SNTG1: variants seen among roughly 807,000 people sequenced by gnomAD.
The protein encoded by SNTG1 is gamma-1-syntrophin.
In SNTG1, 39 loss-of-function variants were observed where a neutral mutation model predicts 74.7. That is an observed-to-expected ratio of 0.52 (90% CI 0.40 to 0.68). The LOEUF (loss-of-function observed/expected upper bound fraction) is 0.68. SNTG1 is among the 30% of genes least tolerant of loss of function. SNTG1 has a pLI of 0.00. For missense variants in SNTG1, 685 were observed against 609.5 expected (o/e 1.12, Z -1.30); for synonymous variants, 254 against 217.1 (o/e 1.17, Z -1.49).
Position 50,552,645 on chromosome 8 carries a change from ATCTT to A in SNTG1, c.681-401_681-398del, listed in dbSNP as rs544042966. On this transcript the variant is annotated intron_variant, in intron 11 of 18. Transcript: ENST00000642720. The stretch of plus-strand genomic sequence containing the variant: ...TAATATTTTATTGCCTGTTTTTACG[ATCTT>A]TCTAAGTCAGAAAATGCATTGACAA... Among the ~76,000 whole-genome samples, 224 of 152,308 alleles carry A rather than the reference ATCTT, an allele frequency of 1.5e-3. 2 individuals carry two copies. The highest frequency in any genetic ancestry group is 0.01 in the Middle Eastern group (3 of 294).
chr8:50,492,650 T>G (rs2093867801), intron 8 of SNTG1, among the ~76,000 whole-genome samples: 1 of 152,216 alleles, frequency 6.6e-6, no homozygotes. Context: ...CTTTGTCAGA[T>G]GGATTGCAAA....
Position 50,121,589 on chromosome 8 carries a change from G to T in SNTG1, c.-102-50972G>T, listed in dbSNP as rs1586366429. Among the ~76,000 whole-genome samples, 3 of 142,760 alleles carry T rather than the reference G, an allele frequency of 2.1e-5. 1 individual carries two copies. The Admixed American group carries it at 2.2e-4, about 10-fold the overall frequency. The allele number at this position is 142,760 out of a possible 152,430, so 93.7% of individuals were successfully genotyped here. On this transcript the variant is annotated intron_variant, in intron 1 of 18. Transcript: ENST00000642720. Reference sequence around the variant, plus strand: ...AATACAAACTAACTTTAGTGGTATTGTGCCAGTATTTTAGAATAATTAGAA... The same window carrying T: ...AATACAAACTAACTTTAGTGGTATTTTGCCAGTATTTTAGAATAATTAGAA...
intron 1 of SNTG1, among the ~76,000 whole-genome samples, chr8:50,028,564 C>G (rs1013833281): frequency 3.3e-5 from 5 of 150,520 alleles, no homozygotes; most frequent in Admixed American, 2.7e-4. Flanking sequence ...CACCGTTTTA[C>G]TCCTCTACCA....
chr8:50,456,995 C>T (rs1355266143), intron 8 of SNTG1: 1 of 152,114 alleles, frequency 6.6e-6, no homozygotes. Context: ...TTTCACATAG[C>T]TGACATTTTA....
chr8:49,947,901 T>C (rs1487684488), intron 1 of SNTG1, among the ~76,000 whole-genome samples: 1 of 152,050 alleles, frequency 6.6e-6, no homozygotes, highest in Non-Finnish European at 1.5e-5. Flanking sequence ...GAGGCCGAGG[T>C]TGGCAGATCA....
Position 50,068,719 on chromosome 8 carries a change from C to T in SNTG1, c.-102-103842C>T, listed in dbSNP as rs374513835. On this transcript the variant is annotated intron_variant, in intron 1 of 18. Transcript: ENST00000642720. ...TCTTTCTTTTTTTTCTGTTGATTCA[C>T]TACAGTATCTGTAGTGCCTGAAACA... is the stretch of plus-strand genomic sequence containing the variant. Among the ~76,000 whole-genome samples the T allele has an allele frequency of 1.5e-4, 23 of 152,180 alleles. 1 individual carries two copies. The South Asian group carries it at 4.6e-3, about 30-fold the overall frequency.
chr8:50,051,724 C>T (rs531498318), intron 1 of SNTG1, among the ~76,000 whole-genome samples: 5 of 152,052 alleles, frequency 3.3e-5, no homozygotes, highest in Admixed American at 6.6e-5. Context: ...TCTTGTGTGC[C>T]TCTGTCTTCA....
intron 8 of SNTG1, among the ~76,000 whole-genome samples, chr8:50,482,884 C>T (rs992368087): frequency 1.3e-5 from 2 of 152,100 alleles, no homozygotes; most frequent in Non-Finnish European, 1.5e-5. Flanking sequence ...ACATCTGAGC[C>T]TGAAGCTCAG....
chr8:50,330,117 G>C (rs1476364214), intron 2 of SNTG1, among the ~76,000 whole-genome samples: 1 of 152,148 alleles, frequency 6.6e-6, no homozygotes, highest in Non-Finnish European at 1.5e-5. Flanking sequence ...CAAATGTGGT[G>C]GGACTCAGTT....
At chr8:50,481,930 A>G (rs2093744206) in intron 8 of SNTG1, among the ~76,000 whole-genome samples, 1 of 152,188 alleles carries the variant, frequency 6.6e-6, no homozygotes, top group African/African-American at 2.4e-5. Context: ...CAGTCCCAGC[A>G]GTGAATGGAA....
intron 1 of SNTG1, among the ~76,000 whole-genome samples, chr8:50,171,396 A>T (rs1177071037): frequency 6.6e-6 from 1 of 152,142 alleles, no homozygotes; most frequent in Non-Finnish European, 1.5e-5. Context: ...AGCATCCAGC[A>T]CAGGAGAAAT....
At chr8:50,037,830 GTAA>G (rs2130796071) in intron 1 of SNTG1, among the ~76,000 whole-genome samples, 1 of 152,308 alleles carries the variant, frequency 6.6e-6, no homozygotes, top group South Asian at 2.1e-4. Flanking sequence ...CATAATTAAA[GTAA>G]TAATAACAAT....
chr8:50,212,798 G>T (rs1033196540), intron 2 of SNTG1, among the ~76,000 whole-genome samples: 1 of 152,146 alleles, frequency 6.6e-6, no homozygotes, highest in African/African-American at 2.4e-5. Flanking sequence ...AGCAAAATTG[G>T]CTGAAATTCA....
intron 4 of SNTG1, among the ~76,000 whole-genome samples, chr8:50,423,053 T>C (rs1168775181): frequency 1.3e-5 from 2 of 152,308 alleles, no homozygotes; most frequent in East Asian, 1.9e-4. Flanking sequence ...TTCTCACTGA[T>C]ACAGTTTTTG....
chr8:50,476,104 T>G (rs2093695348), intron 8 of SNTG1, among the ~76,000 whole-genome samples: 1 of 152,170 alleles, frequency 6.6e-6, no homozygotes, highest in African/African-American at 2.4e-5. Context: ...ATTATCAAAT[T>G]GACTGTCATA....
At position 50,454,789 on chromosome 8, in the gene SNTG1, C is replaced by A. The variant is rs547805662; in HGVS notation, c.363+4060C>A. ...CCCAGGAGGCAAAGGTTGCAGTGAA[C>A]TGAGATCGTGCCACTGCACTCCAGC... On this transcript the variant is annotated intron_variant, in intron 8 of 18. Transcript: ENST00000642720. Among the ~76,000 whole-genome samples, 7 of 129,150 alleles carry A rather than the reference C, an allele frequency of 5.4e-5. 1 individual carries two copies. Among genetic ancestry groups the A allele is most frequent in the African/African-American group, 2.0e-4 (7 of 35,190 alleles). The allele number at this position is 129,150 out of a possible 152,430, so 84.7% of individuals were successfully genotyped here.
intron 4 of SNTG1, among the ~76,000 whole-genome samples, chr8:50,428,361 G>A (rs991897188): frequency 6.6e-6 from 1 of 152,018 alleles, no homozygotes. Flanking sequence ...GAATATATGG[G>A]CAGTGGCTCC....
chr8:50,489,870 C>T (rs1425755338), intron 8 of SNTG1, among the ~76,000 whole-genome samples: 1 of 152,088 alleles, frequency 6.6e-6, no homozygotes, highest in Non-Finnish European at 1.5e-5. Flanking sequence ...CTGGTATTGC[C>T]TAGGTTTTCT....
In SNTG1 at chr8:50,648,136, T is replaced by C. The variant is rs374317596; in HGVS notation, c.850-8773T>C. On this transcript the variant is annotated intron_variant, in intron 13 of 18. Coordinates refer to ENST00000642720, the MANE Select transcript of SNTG1 (RefSeq NM_018967.5). ...GAATGTTTGACTGAGAGAGCAAACATGTAGATATATCCCTCACAGATCTGA... is the reference window on the plus strand; with the variant it reads ...GAATGTTTGACTGAGAGAGCAAACACGTAGATATATCCCTCACAGATCTGA... Among the ~76,000 whole-genome samples the C allele has an allele frequency of 3.0e-3, 461 of 152,280 alleles. 3 individuals carry two copies. Among genetic ancestry groups the C allele is most frequent in the African/African-American group, 0.011 (444 of 41,564 alleles).
Sources: allele counts gnomAD v4.1 joint callset (sites outside exome capture counted in the v4.1 genomes callset), GRCh38; gene constraint gnomAD v4.1.1; transcripts MANE v1.5; gene names NCBI Gene and HGNC (gene_info 2026-07-23, HGNC 2026-07-21).